The following ZDHHC7 variants were observed in gnomAD, a reference collection of about 807,000 sequenced individuals.
ZDHHC7 encodes the protein palmitoyltransferase ZDHHC7.
ZDHHC7 carries 12 observed loss-of-function variants against 34.1 expected under a neutral mutation model. The ratio of observed to expected loss-of-function variants is 0.35; its 90% CI spans 0.23 to 0.57. ZDHHC7 has a LOEUF of 0.57. Among genes scored for constraint, ZDHHC7 ranks in the 20% least tolerant of loss-of-function variants. The probability of loss-of-function intolerance (pLI) is 0.84; values close to 1 mark genes in which losing one functional copy is unlikely to be tolerated. For missense variants in ZDHHC7, 388 were observed against 402.7 expected, an observed-to-expected ratio of 0.96 and a Z score of 0.31; for synonymous variants, 185 against 155.4, an observed-to-expected ratio of 1.19 and a Z score of -1.42.
At chr16:84,999,685 G>C (rs1283526123) in intron 1 of ZDHHC7, among the ~76,000 whole-genome samples, 1 of 152,180 alleles carries the variant, frequency 6.6e-6, no homozygotes, top group Non-Finnish European at 1.5e-5. Flanking sequence ...AAAGAAATCA[G>C]AATAAGGATT....
chr16:85,012,719 A>G (rs975299619), upstream of ZDHHC7, among the ~76,000 whole-genome samples: 5 of 152,164 alleles, frequency 3.3e-5, no homozygotes, highest in Non-Finnish European at 7.3e-5. Flanking sequence ...ATCCTGGTCA[A>G]CGTGGCGAAA....
chr16:85,001,315 A>G (rs1465009673), intron 1 of ZDHHC7, among the ~76,000 whole-genome samples: 1 of 152,060 alleles, frequency 6.6e-6, no homozygotes, highest in African/African-American at 2.4e-5. Flanking sequence ...TACTAAAAAT[A>G]CAAAAATTAG....
In ZDHHC7 at chr16:85,011,062, G is replaced by C. The variant is rs76106483; in HGVS notation, c.-104+224C>G. On this transcript the variant is annotated intron_variant, in intron 1 of 7. Coordinates refer to ENST00000313732, the MANE Select transcript of ZDHHC7 (RefSeq NM_017740.3). ...AGGCAAAAAGCTGGGGCTGCAATCC[G>C]GGCCCTATCCCGAGAGAGCAACTAA... Among the ~76,000 whole-genome samples, 1,165 of 152,348 alleles carry C rather than the reference G, an allele frequency of 7.6e-3. 13 individuals carry two copies. The highest frequency in any genetic ancestry group is 0.027 in the African/African-American group (1,123 of 41,584).
chr16:84,990,391 G>A lies in ZDHHC7; in HGVS notation c.228C>T (p.Phe76=), dbSNP rs112771300. ...TFVMLLPSKD[F]WYSVVNGVIF... ...TGACCCCGTTGACCACAGAGTACCAGAAGTCTTTGGAAGGCAGCAGCATGA... is the reference window on the plus strand; with the variant it reads ...TGACCCCGTTGACCACAGAGTACCAAAAGTCTTTGGAAGGCAGCAGCATGA... Residue 76 remains phenylalanine, a synonymous_variant, in exon 3 of 8, where the codon TTC becomes TTT. Transcript: ENST00000313732. 3.2e-4 allele frequency: 521 copies of A among 1,614,148 alleles called. 2 individuals carry two copies. The African/African-American group carries it at 6.2e-3, about 19-fold the overall frequency.
the ZDHHC7 span, among the ~76,000 whole-genome samples, chr16:85,017,606 T>C: frequency 6.6e-6 from 1 of 152,196 alleles, no homozygotes; most frequent in Non-Finnish European, 1.5e-5. Context: ...AATGAAATAC[T>C]GTGCCACAAC....
intron 1 of ZDHHC7, among the ~76,000 whole-genome samples, chr16:85,004,055 T>G (rs1305623054): frequency 6.6e-6 from 1 of 152,042 alleles, no homozygotes; most frequent in African/African-American, 2.4e-5. Context: ...TGGAAAACTC[T>G]CAGGCTGACG....
At chr16:84,978,132 G>A in intron 5 of ZDHHC7, 127 bp from the exon 6 acceptor site, 1 of 612,678 alleles carries the variant, frequency 1.6e-6, no homozygotes, top group Admixed American at 3.3e-5. Flanking sequence ...CCGCCTGCCA[G>A]ACTCAAGCGA....
intron 1 of ZDHHC7, among the ~76,000 whole-genome samples, chr16:85,005,838 C>T (rs1054606291): frequency 6.6e-6 from 1 of 152,208 alleles, no homozygotes; most frequent in African/African-American, 2.4e-5. Flanking sequence ...AAATCAGTGA[C>T]ATTCCTCATG....
chr16:84,994,498 T>C (rs1331772658), intron 2 of ZDHHC7, among the ~76,000 whole-genome samples: 2 of 152,252 alleles, frequency 1.3e-5, no homozygotes, highest in Non-Finnish European at 2.9e-5. Context: ...TTGGGCAGTC[T>C]GAGCTCTCTC....
chr16:84,992,436 G>C (rs2072523425), intron 2 of ZDHHC7, among the ~76,000 whole-genome samples: 1 of 152,294 alleles, frequency 6.6e-6, no homozygotes, highest in East Asian at 1.9e-4. Context: ...TCGTACCACG[G>C]CACTCCAGCC....
Position 84,980,183 on chromosome 16 carries a change from T to C in ZDHHC7, c.441-898A>G, listed in dbSNP as rs113375171. On this transcript the variant is annotated intron_variant, in intron 4 of 7. Transcript: ENST00000313732. ...GGTTTCATCGTGTTAGCTAGGATGG[T>C]CTCGATCTCCTGACCTCGTGATCCG... Among the ~76,000 whole-genome samples the C allele has an allele frequency of 5.1e-3, 764 of 151,244 alleles. 7 individuals carry two copies. Among genetic ancestry groups the C allele is most frequent in the African/African-American group, 0.018 (733 of 41,268 alleles).
rs191070091 is a variant in ZDHHC7, at chr16:84,993,177, C to T, written c.-17-2542G>A. On this transcript the variant is annotated intron_variant, in intron 2 of 7. Coordinates refer to ENST00000313732, the MANE Select transcript of ZDHHC7 (RefSeq NM_017740.3). ...ATCTCTACAGAAAATAAAAATTAAC[C>T]AGGCATGGTGGCTTGCGCTTATAGT... 1.6e-3 allele frequency among the ~76,000 whole-genome samples: 242 copies of T among 151,576 alleles called. 1 individual carries two copies. The highest frequency in any genetic ancestry group is 2.4e-3 in the Non-Finnish European group (161 of 67,832).
chr16:84,988,693 C>A (rs2072469002), intron 3 of ZDHHC7: 2 of 1,395,690 alleles, frequency 1.4e-6, no homozygotes. Context: ...CGCTTGTCAG[C>A]AAAGAGGAGC....
At chr16:84,997,102 C>A (rs1272670823) in intron 1 of ZDHHC7, among the ~76,000 whole-genome samples, 1 of 151,474 alleles carries the variant, frequency 6.6e-6, no homozygotes, top group Non-Finnish European at 1.5e-5. Flanking sequence ...GAGTCCAGAA[C>A]ACGCACAATG....
chr16:84,982,186 A>G (rs897662296), intron 3 of ZDHHC7, 192 bp from the exon 4 acceptor site: 4 of 543,362 alleles, frequency 7.4e-6, no homozygotes, highest in South Asian at 4.2e-5. Flanking sequence ...TCTACTAAAG[A>G]TACAAAAAAT....
At chr16:84,984,763 G>T (rs2072415240) in intron 3 of ZDHHC7, among the ~76,000 whole-genome samples, 1 of 152,112 alleles carries the variant, frequency 6.6e-6, no homozygotes, top group Non-Finnish European at 1.5e-5. Context: ...GTGTCCTGGG[G>T]GTTTCAAGGA....
chr16:84,975,199 C>A lies in ZDHHC7; in HGVS notation c.*1144G>T. ...CGTAAAAGCTAACCAAAAACTCCAA[C>A]AAGAGGGCGCCATCCTGGCCATTCC... On this transcript the variant is annotated 3_prime_UTR_variant, in exon 8 of 8. Coordinates refer to ENST00000313732, the MANE Select transcript of ZDHHC7 (RefSeq NM_017740.3). The A allele has an allele frequency of 6.5e-6, 1 of 152,818 alleles. No individual in the cohort carries two copies. Among genetic ancestry groups the A allele is most frequent in the East Asian group, 1.9e-4 (1 of 5,176 alleles). The allele number at this position is 152,818 out of a possible 1,614,324, so 9.5% of individuals were successfully genotyped here.
upstream of ZDHHC7, among the ~76,000 whole-genome samples, chr16:85,015,986 A>C (rs1370941186): frequency 1.3e-5 from 2 of 152,122 alleles, no homozygotes; most frequent in African/African-American, 4.8e-5. Flanking sequence ...TCTCTGTTTC[A>C]ATGTTAGTTC....
intron 3 of ZDHHC7, chr16:84,988,632 G>A (rs1335716614): frequency 9.0e-6 from 7 of 779,730 alleles, no homozygotes; most frequent in Non-Finnish European, 1.5e-5. Context: ...AGCAGAAGCT[G>A]GACTGCTGAG....
Sources: gnomAD v4.1 joint callset for allele counts (sites outside exome capture counted in the v4.1 genomes callset) on GRCh38, gnomAD v4.1.1 for gene constraint, MANE v1.5 for transcripts, NCBI Gene and HGNC (gene_info 2026-07-23, HGNC 2026-07-21) for gene names.